The following SLC45A2 variants were observed in gnomAD, a reference collection of about 807,000 sequenced individuals.
The protein encoded by SLC45A2 is solute carrier family 45 member 2, also known as membrane-associated transporter protein.
Under a neutral mutation model 45.5 loss-of-function variants are expected in SLC45A2, and 36 were observed. The observed-to-expected ratio is 0.79, with a 90% CI of 0.61 to 1.04. The LOEUF is 1.04. Ranked by LOEUF, SLC45A2 falls within the 50% of genes least tolerant of loss-of-function variation. SLC45A2 has a pLI of 0.00. For missense variants in SLC45A2, 719 were observed against 671.0 expected, an observed-to-expected ratio of 1.07 and a Z score of -0.79; for synonymous variants, 306 against 269.3, an observed-to-expected ratio of 1.14 and a Z score of -1.33.
At chr5:33,982,196 C>G (rs1399281057) in intron 2 of SLC45A2, 40 bp downstream of exon 2, 16 of 1,611,378 alleles carry the variant, frequency 9.9e-6, no homozygotes, top group Non-Finnish European at 1.2e-5. Flanking sequence ...GCCTCATTGT[C>G]TGGGGAGCTG....
intron 2 of SLC45A2, among the ~76,000 whole-genome samples, chr5:33,979,904 G>A (rs1299423063): frequency 2.0e-5 from 3 of 152,054 alleles, no homozygotes; most frequent in Non-Finnish European, 4.4e-5. Context: ...ATTGGCCTTG[G>A]AAAAGTTTCC....
chr5:33,945,015 C>G lies in SLC45A2; in HGVS notation c.1369-143G>C. 3.8e-6 allele frequency: 3 copies of G among 797,426 alleles called. No individual in the cohort carries two copies. The South Asian group carries it at 4.4e-5, about 12-fold the overall frequency. The allele number at this position is 797,426 out of a possible 1,614,324, so 49.4% of individuals were successfully genotyped here. On this transcript the variant is annotated intron_variant, in intron 6 of 6. Coordinates refer to ENST00000296589, the MANE Select transcript of SLC45A2 (RefSeq NM_016180.5). ...TACAGCCCTGGTCATAACTACTCAA[C>G]TCTGCTGCTGTAGTGCAAAAGCAGG...
intron 6 of SLC45A2, chr5:33,946,153 C>T: frequency 1.0e-6 from 1 of 985,438 alleles, no homozygotes; most frequent in Non-Finnish European, 1.2e-6. Flanking sequence ...TTTCTTCCCC[C>T]AACACCATGT....
Position 33,982,583 on chromosome 5 carries a change from G to A in SLC45A2, c.386-171C>T, listed in dbSNP as rs116930896. 5.1e-3 allele frequency among the ~76,000 whole-genome samples: 780 copies of A among 151,960 alleles called. 47 individuals carry two copies. The East Asian group carries it at 0.13, about 25-fold the overall frequency. ...TTCAGGTTTTAAAAATTATGCAAGC[G>A]AATGTCCAGAAAACACAAATCTATG... On this transcript the variant is annotated intron_variant, in intron 1 of 6. Coordinates refer to ENST00000296589, the MANE Select transcript of SLC45A2 (RefSeq NM_016180.5).
In SLC45A2 at chr5:33,968,271, C is replaced by T. The variant is rs544100166; in HGVS notation, c.563-4255G>A. ...CAATCTCCCCAACAAAACCTAATTG[C>T]GCTATGATAAAGGCTGATAGTTTTA... On this transcript the variant is annotated intron_variant, in intron 2 of 6. Transcript: ENST00000296589. Among the ~76,000 whole-genome samples, 9 of 151,974 alleles carry T rather than the reference C, an allele frequency of 5.9e-5. 1 individual carries two copies. The highest frequency in any genetic ancestry group is 2.1e-4 in the South Asian group (1 of 4,826).
intron 2 of SLC45A2, among the ~76,000 whole-genome samples, chr5:33,969,956 A>G (rs893988940): frequency 6.6e-6 from 1 of 152,248 alleles, no homozygotes; most frequent in Non-Finnish European, 1.5e-5. Flanking sequence ...TAAAGTTTAC[A>G]GAACTAATAT....
intron 2 of SLC45A2, among the ~76,000 whole-genome samples, chr5:33,973,967 A>C (rs929370853): frequency 6.6e-6 from 1 of 152,258 alleles, no homozygotes; most frequent in Non-Finnish European, 1.5e-5. Context: ...AGGAGGAACC[A>C]GGAGCTGAAC....
At chr5:33,969,299 TA>T (rs201971086) in intron 2 of SLC45A2, among the ~76,000 whole-genome samples, 79 of 148,786 alleles carry the variant, frequency 5.3e-4, no homozygotes, top group East Asian at 2.0e-3. Flanking sequence ...TAAATTAAAA[TA>T]AAAAAAAAAT....
chr5:33,964,910 A>C (rs1312548651), intron 2 of SLC45A2, among the ~76,000 whole-genome samples: 1 of 152,222 alleles, frequency 6.6e-6, no homozygotes. Flanking sequence ...TGGTGCAGAC[A>C]TCAGTGACTT....
chr5:33,947,366 T>C lies in SLC45A2; in HGVS notation c.1165A>G (p.Lys389Glu). The change falls in exon 6 of 7, where the codon AAA becomes GAA. Residue 389 changes from lysine (K) to glutamate (E), a missense_variant. By Grantham distance (56) the Lys-to-Glu change is moderately conservative. Transcript: ENST00000296589. The part of the protein sequence containing the change: ...VFSSLYSYFQ[K>E]VLVSYIGLKG... The stretch of plus-strand genomic sequence containing the variant: ...AATCCAATGTAGGATACCAAAACTT[T>C]CTGAAAGTCTGTGGGAAGAAGAGAG... The C allele has an allele frequency of 6.2e-7, 1 of 1,614,156 alleles. No homozygotes were observed.
intron 6 of SLC45A2, chr5:33,946,455 C>A (rs749186951): frequency 1.6e-5 from 16 of 985,448 alleles, no homozygotes; most frequent in Non-Finnish European, 1.8e-5. Context: ...GAACTATAAG[C>A]CTATTTTCAC....
rs370982792 is a variant in SLC45A2 at position 33,982,363 on chromosome 5, G to T, written c.435C>A (p.Thr145=). ...AATCAAAGAGAACGACACCTATCATGGTGACACTTATGGCCCAAACCAGCT... is the reference window on the plus strand; with the variant it reads ...AATCAAAGAGAACGACACCTATCATTGTGACACTTATGGCCCAAACCAGCT... ...RRKLVWAISV[T]MIGVVLFDFA... The change falls in exon 2 of 7, where the codon ACC becomes ACA. Residue 145 remains threonine, a synonymous_variant. Coordinates refer to ENST00000296589, the MANE Select transcript of SLC45A2 (RefSeq NM_016180.5). 5 of 1,614,006 alleles carry T rather than the reference G, an allele frequency of 3.1e-6. No homozygotes were observed. The African/African-American group carries it at 5.3e-5, about 17-fold the overall frequency.
At chr5:33,966,188 T>C (rs1402312639) in intron 2 of SLC45A2, among the ~76,000 whole-genome samples, 1 of 152,202 alleles carries the variant, frequency 6.6e-6, no homozygotes, top group Non-Finnish European at 1.5e-5. Flanking sequence ...ATGCATATAA[T>C]GATGGATTTG....
chr5:33,948,535 T>A (rs891114581), intron 5 of SLC45A2, among the ~76,000 whole-genome samples: 30 of 152,214 alleles, frequency 2.0e-4, no homozygotes, highest in Non-Finnish European at 1.9e-4. Flanking sequence ...GCAACCTTAT[T>A]TGCAGTACAT....
chr5:33,954,832 C>T (rs892581834), intron 3 of SLC45A2, among the ~76,000 whole-genome samples: 1 of 152,158 alleles, frequency 6.6e-6, no homozygotes, highest in Admixed American at 6.5e-5. Flanking sequence ...AAGGACAAAG[C>T]TCACAGACAT....
chr5:33,947,245 C>T lies in SLC45A2; in HGVS notation c.1286G>A (p.Ser429Asn). The T allele has an allele frequency of 3.7e-6, 6 of 1,614,200 alleles. No homozygotes were observed. Among genetic ancestry groups the T allele is most frequent in the African/African-American group, 1.3e-5 (1 of 75,048 alleles). Residue 429 changes from serine (S) to asparagine (N), a missense_variant, in exon 6 of 7, where the codon AGC becomes AAC. Ser to Asn is a conservative substitution (Grantham distance 46). Transcript: ENST00000296589. ...PNVYSTLVLC[S>N]LFGVMSSTLY... ...GGTGCTGGACATTACACCAAACAGGCTGCACAGGACCAGGGTGGAGTAGAC... is the reference window on the plus strand; with the variant it reads ...GGTGCTGGACATTACACCAAACAGGTTGCACAGGACCAGGGTGGAGTAGAC...
chr5:33,954,442 G>A lies in SLC45A2; in HGVS notation c.951C>T (p.Tyr317=), dbSNP rs763771263. 1.2e-6 allele frequency: 2 copies of A among 1,614,094 alleles called. No individual in the cohort carries two copies. The highest frequency in any genetic ancestry group is 2.2e-5 in the East Asian group (1 of 44,894). The change falls in exon 4 of 7, where the codon TAC becomes TAT. Residue 317 remains tyrosine, a synonymous_variant. Coordinates refer to ENST00000296589, the MANE Select transcript of SLC45A2 (RefSeq NM_016180.5). ...LRALVNMPPH[Y]RYLCISHLIG... is the part of the protein sequence containing the mutation. Reference sequence around the variant, plus strand: ...TGAGGTGGCTGATGCAAAGGTAGCGGTAGTGAGGAGGCATGTTCACCAGTG... The same window carrying A: ...TGAGGTGGCTGATGCAAAGGTAGCGATAGTGAGGAGGCATGTTCACCAGTG...
rs978237501 is a variant in SLC45A2 at position 33,984,638 on chromosome 5, G to A, written c.-55C>T. 3 of 1,600,090 alleles carry A rather than the reference G, an allele frequency of 1.9e-6. No individual in the cohort carries two copies. Among genetic ancestry groups the A allele is most frequent in the African/African-American group, 1.3e-5 (1 of 74,848 alleles). ...CCCACCACCTCCTGCGTGGTCCTAG[G>A]GTCTGTGTTTCAAACTGGATTTGAC... On this transcript the variant is annotated 5_prime_UTR_variant, in exon 1 of 7. Coordinates refer to ENST00000296589, the MANE Select transcript of SLC45A2 (RefSeq NM_016180.5).
At chr5:33,972,512 G>C (rs1752815387) in intron 2 of SLC45A2, 1 of 204,610 alleles carries the variant, frequency 4.9e-6, no homozygotes, top group African/African-American at 2.4e-5. Flanking sequence ...TACTGAAGGA[G>C]GTATGTTTGC....
Sources: allele counts gnomAD v4.1 joint callset (sites outside exome capture counted in the v4.1 genomes callset), GRCh38; gene constraint gnomAD v4.1.1; transcripts MANE v1.5; gene names NCBI Gene and HGNC (gene_info 2026-07-23, HGNC 2026-07-21).